The following FRYL variants were observed in gnomAD, a reference collection of about 807,000 sequenced individuals.
The protein encoded by FRYL is FRY like transcription coactivator, also known as protein furry homolog-like.
In FRYL, 150 loss-of-function variants were observed where a neutral mutation model predicts 351.2. That is an observed-to-expected ratio of 0.43 (90% CI 0.37 to 0.49). The LOEUF (loss-of-function observed/expected upper bound fraction) is 0.49. Among genes scored for constraint, FRYL ranks in the 20% least tolerant of loss-of-function variants. The probability of loss-of-function intolerance (pLI) is 0.00; values close to 1 mark genes in which losing one functional copy is unlikely to be tolerated. For missense variants in FRYL, 3,036 were observed against 3,619.3 expected (o/e 0.84, Z 4.13); for synonymous variants, 1,153 against 1,257.1 (o/e 0.92, Z 1.75).
chr4:48,706,084 CA>C (rs1767309627), intron 2 of FRYL, among the ~76,000 whole-genome samples: 1 of 152,174 alleles, frequency 6.6e-6, no homozygotes, highest in Non-Finnish European at 1.5e-5. Context: ...TGACCTGCCT[CA>C]ATCTCCCAAA....
At chr4:48,578,034 T>C (rs1740014116) in intron 23 of FRYL, among the ~76,000 whole-genome samples, 1 of 151,120 alleles carries the variant, frequency 6.6e-6, no homozygotes, top group African/African-American at 2.4e-5. Context: ...GGGTAGGAAG[T>C]TTAAGAGATT....
intron 1 of FRYL, among the ~76,000 whole-genome samples, chr4:48,778,994 C>T (rs759115988): frequency 1.7e-4 from 11 of 64,288 alleles, no homozygotes; most frequent in Non-Finnish European, 3.0e-4. Context: ...CCAGCACACA[C>T]CCTAACCCCC....
chr4:48,668,788 T>C (rs886837711), intron 3 of FRYL, among the ~76,000 whole-genome samples: 1 of 152,250 alleles, frequency 6.6e-6, no homozygotes, highest in African/African-American at 2.4e-5. Context: ...ACTCCCCTTG[T>C]AGATTCCAGT....
chr4:48,757,639 C>G (rs1182140814), intron 1 of FRYL, among the ~76,000 whole-genome samples: 1 of 152,120 alleles, frequency 6.6e-6, no homozygotes, highest in African/African-American at 2.4e-5. Flanking sequence ...TAGGAAGAAT[C>G]AATATCGTGA....
Position 48,512,639 on chromosome 4 carries a change from G to A in FRYL, c.7987C>T (p.Leu2663=), listed in dbSNP as rs759122048. The part of the protein sequence containing the change: ...DGFPEVQTSP[L]PSPFLSAIIA... ...ATGGCAGAAAGAAATGGTGACGGCA[G>A]AGGCGACGTCTGTACTTCTGGAAAA... is the stretch of plus-strand genomic sequence containing the variant. Residue 2663 remains leucine (L), a synonymous_variant, in exon 57 of 64, where the codon CTG becomes TTG. Coordinates refer to ENST00000358350, the MANE Select transcript of FRYL (RefSeq NM_015030.2). 2 of 1,614,042 alleles carry A rather than the reference G, an allele frequency of 1.2e-6. No homozygotes were observed. The highest frequency in any genetic ancestry group is 1.7e-6 in the Non-Finnish European group (2 of 1,179,950).
rs1427177673 is a variant in FRYL at position 48,523,065 on chromosome 4, G to A, written c.7357C>T (p.Arg2453Cys). 5 of 1,613,674 alleles carry A rather than the reference G, an allele frequency of 3.1e-6. No homozygotes were observed. Among genetic ancestry groups the A allele is most frequent in the Admixed American group, 1.7e-5 (1 of 59,988 alleles). ...MDNFNWGVRR[R>C]SLDSIDKGDT... Reference sequence around the variant, plus strand: ...CCTTTGTCAATACTGTCCAGTGAGCGCCTGCGAACTCCCCAGTTGAAATTG... The same window carrying A: ...CCTTTGTCAATACTGTCCAGTGAGCACCTGCGAACTCCCCAGTTGAAATTG... The change falls in exon 54 of 64, where the codon CGC becomes TGC. Residue 2453 changes from arginine (R) to cysteine (C), a missense_variant. Transcript: ENST00000358350.
rs561879875 is a variant in FRYL at position 48,531,234 on chromosome 4, T to G, written c.6825A>C (p.Ile2275=). Residue 2275 remains isoleucine, a synonymous_variant, in exon 50 of 64, where the codon ATA becomes ATC. Coordinates refer to ENST00000358350, the MANE Select transcript of FRYL (RefSeq NM_015030.2). The part of the protein sequence containing the change: ...TYGGDTGSPE[I]SFTKIFNNVS... ...CATTATTAAAAATTTTAGTGAAGGATATTTCAGGAGAACCTGTATCTCCTC... is the reference window on the plus strand; with the variant it reads ...CATTATTAAAAATTTTAGTGAAGGAGATTTCAGGAGAACCTGTATCTCCTC... 1 of 1,612,044 alleles carries G rather than the reference T, an allele frequency of 6.2e-7. No homozygotes were observed. The highest frequency in any genetic ancestry group is 2.2e-5 in the East Asian group (1 of 44,846).
At chr4:48,769,862 C>T (rs920778083) in intron 1 of FRYL, among the ~76,000 whole-genome samples, 2 of 152,112 alleles carry the variant, frequency 1.3e-5, no homozygotes, top group African/African-American at 4.8e-5. Context: ...ATGAGACATT[C>T]TCAAAATGAT....
intron 7 of FRYL, chr4:48,617,557 T>A (rs1749771117): frequency 6.6e-6 from 1 of 151,852 alleles, no homozygotes; most frequent in African/African-American, 2.4e-5. Flanking sequence ...GGGTCCCCAC[T>A]ACTAAAAAAA....
chr4:48,683,332 T>C (rs990185944), intron 3 of FRYL, among the ~76,000 whole-genome samples: 1 of 151,626 alleles, frequency 6.6e-6, no homozygotes, highest in African/African-American at 2.4e-5. Context: ...GATGGGTTGA[T>C]GGGTGCAGCA....
At chr4:48,542,174 G>C (rs1730327311) in intron 44 of FRYL, 53 bp from the exon 45 acceptor site, 2 of 1,178,776 alleles carry the variant, frequency 1.7e-6, no homozygotes, top group African/African-American at 3.0e-5. Flanking sequence ...TAAAGAAACT[G>C]CAATGGACTT....
intron 1 of FRYL, among the ~76,000 whole-genome samples, chr4:48,738,494 T>TTTGTTG (rs1054139550): frequency 1.3e-5 from 2 of 151,864 alleles, no homozygotes; most frequent in Non-Finnish European, 1.5e-5. Flanking sequence ...GACTCAAGCT[T>TTTGTTG]TTGTTGTTGT....
chr4:48,552,442 T>A (rs1733082875), intron 36 of FRYL, among the ~76,000 whole-genome samples: 1 of 176 alleles, frequency 5.7e-3, no homozygotes, highest in African/African-American at 7.6e-3. Context: ...GAACTTATAT[T>A]TTTTTTAATA....
intron 1 of FRYL, among the ~76,000 whole-genome samples, chr4:48,761,007 CTGTGTGTGTGTGTGTGTG>C (rs57872533): frequency 5.9e-5 from 8 of 134,512 alleles, no homozygotes; most frequent in Middle Eastern, 3.5e-3. Context: ...ATTACTCTGT[CTGTGTGTGTGTGTGTGTG>C]TGTGTGTGTG....
chr4:48,528,393 TAA>T, intron 50 of FRYL, 57 bp from the exon 51 acceptor site: 1 of 1,429,920 alleles, frequency 7.0e-7, no homozygotes, highest in African/African-American at 1.4e-5. Flanking sequence ...AAAAGAAACT[TAA>T]AAGGGTTAAC....
At chr4:48,636,596 T>A (rs1351329206) in intron 3 of FRYL, among the ~76,000 whole-genome samples, 1 of 151,964 alleles carries the variant, frequency 6.6e-6, no homozygotes, top group Non-Finnish European at 1.5e-5. Flanking sequence ...AAATAAAGCA[T>A]AACCAAATAT....
intron 1 of FRYL, among the ~76,000 whole-genome samples, chr4:48,727,105 T>C (rs1239726261): frequency 6.6e-6 from 1 of 151,940 alleles, no homozygotes; most frequent in East Asian, 1.9e-4. Context: ...GAATCAGTAA[T>C]CTCATCTCAA....
intron 4 of FRYL, among the ~76,000 whole-genome samples, chr4:48,629,996 C>A (rs1400380669): frequency 6.6e-6 from 1 of 152,168 alleles, no homozygotes; most frequent in Admixed American, 6.5e-5. Flanking sequence ...AGGTACCATA[C>A]TGAAGATAGG....
At chr4:48,542,222 T>C (rs1308536043) in intron 44 of FRYL, 101 bp from the exon 45 acceptor site, 1 of 781,394 alleles carries the variant, frequency 1.3e-6, no homozygotes. Flanking sequence ...CTCCATGTTA[T>C]GTTACAAAAT....
Sources: gnomAD v4.1 joint callset for allele counts (sites outside exome capture counted in the v4.1 genomes callset) on GRCh38, gnomAD v4.1.1 for gene constraint, MANE v1.5 for transcripts, NCBI Gene and HGNC (gene_info 2026-07-23, HGNC 2026-07-21) for gene names.